The following PRMT9 variants were observed in gnomAD, a reference collection of about 807,000 sequenced individuals.
PRMT9 encodes the protein protein arginine methyltransferase 9.
A neutral mutation model predicts 83.2 loss-of-function variants in PRMT9; 59 were observed. That is an observed-to-expected ratio of 0.71 (90% confidence interval 0.57 to 0.88). PRMT9 has a LOEUF of 0.88. PRMT9 is among the 40% of genes least tolerant of loss of function. The probability of loss-of-function intolerance (pLI) is 0.00; values close to 1 mark genes in which losing one functional copy is unlikely to be tolerated. For missense variants in PRMT9, 947 were observed against 1,021.9 expected, an observed-to-expected ratio of 0.93 and a Z score of 1.00; for synonymous variants, 333 against 353.2, an observed-to-expected ratio of 0.94 and a Z score of 0.64.
chr4:147,668,947 G>A (rs552548805), intron 5 of PRMT9, among the ~76,000 whole-genome samples: 18 of 152,214 alleles, frequency 1.2e-4, no homozygotes, highest in African/African-American at 1.7e-4. Flanking sequence ...TTAGCTGGGC[G>A]TGGTGGCACG....
chr4:147,667,216 TAAGAA>T (rs1735403369), intron 6 of PRMT9, among the ~76,000 whole-genome samples: 2 of 152,168 alleles, frequency 1.3e-5, no homozygotes, highest in South Asian at 4.1e-4. Context: ...GAATTTATCC[TAAGAA>T]AATAATAGAA....
At position 147,673,876 on chromosome 4, in the gene PRMT9, T is replaced by C; in HGVS notation, c.339-2A>G. 8 of 1,611,074 alleles carry C rather than the reference T, an allele frequency of 5.0e-6. No homozygotes were observed. Among genetic ancestry groups the C allele is most frequent in the Non-Finnish European group, 6.8e-6 (8 of 1,177,258 alleles). On this transcript the variant is annotated splice_acceptor_variant, in intron 2 of 11. Transcript: ENST00000322396. LOFTEE classifies it high-confidence loss of function. The stretch of plus-strand genomic sequence containing the variant: ...GCTGCTTCATCCCTAAAGCCCATTC[T>C]AGAGTAAAAAATGACAAAAGACAAA...
At chr4:147,648,602 G>C (rs1440262842) in intron 9 of PRMT9, among the ~76,000 whole-genome samples, 2 of 152,316 alleles carry the variant, frequency 1.3e-5, no homozygotes, top group East Asian at 1.9e-4. Context: ...GGAACTCGAA[G>C]AGGTGGTCTC....
intron 2 of PRMT9, among the ~76,000 whole-genome samples, chr4:147,678,843 C>T (rs1254406686): frequency 6.6e-6 from 1 of 152,178 alleles, no homozygotes; most frequent in East Asian, 1.9e-4. Context: ...GAAAAAGGAA[C>T]TTTGGAGGCT....
chr4:147,644,187 A>C (rs1350760041), intron 9 of PRMT9, among the ~76,000 whole-genome samples: 2 of 152,186 alleles, frequency 1.3e-5, no homozygotes, highest in Non-Finnish European at 2.9e-5. Context: ...CATTGTATCT[A>C]TGGTTCAGGG....
At chr4:147,677,762 T>C (rs909486665) in intron 2 of PRMT9, among the ~76,000 whole-genome samples, 4 of 152,152 alleles carry the variant, frequency 2.6e-5, no homozygotes, top group African/African-American at 9.6e-5. Flanking sequence ...CGACCTAGAA[T>C]TTTTTCAAAT....
rs1735665872 is a variant in PRMT9, at chr4:147,670,657, A to T, written c.830T>A (p.Leu277Ter). The change falls in exon 5 of 12, where the codon TTA becomes TAA. Residue 277 changes from leucine (L) to a stop codon, truncating the protein, a stop_gained. Transcript: ENST00000322396. LOFTEE classifies it high-confidence loss of function. ...VESLIHAWEHLLLQPKTKGES... is the reference protein window; with the variant it reads ...VESLIHAWEH ...ACTGCTTACCTTTGGCTGTAAAAGT[A>T]AATGCTCCCATGCATGAATCAAACT... 1 of 1,609,790 alleles carries T rather than the reference A, an allele frequency of 6.2e-7. No homozygotes were observed. The highest frequency in any genetic ancestry group is 1.3e-5 in the African/African-American group (1 of 74,846).
Position 147,668,451 on chromosome 4 carries a change from T to G in PRMT9, c.953+88A>C, listed in dbSNP as rs1735493184. The G allele has an allele frequency of 9.8e-6, 8 of 820,374 alleles. No homozygotes were observed. The Admixed American group carries it at 1.5e-4, about 16-fold the overall frequency. 50.8% of individuals were successfully genotyped at this position (820,374 alleles called of 1,614,324 possible). ...CTGAGGCCTCCTCAGCATTCAGAAC[T>G]GTGAGTCATTTAAACCTCTTTCCTT... On this transcript the variant is annotated intron_variant, in intron 6 of 11. Transcript: ENST00000322396.
Position 147,673,890 on chromosome 4 carries a change from A to C in PRMT9, c.339-16T>G, listed in dbSNP as rs1248973920. On this transcript the variant is annotated splice_polypyrimidine_tract_variant and intron_variant, in intron 2 of 11. Transcript: ENST00000322396. Reference sequence around the variant, plus strand: ...AAAGCCCATTCTAGAGTAAAAAATGACAAAAGACAAAATATATTCAACTAT... The same window carrying C: ...AAAGCCCATTCTAGAGTAAAAAATGCCAAAAGACAAAATATATTCAACTAT... 1 of 1,581,576 alleles carries C rather than the reference A, an allele frequency of 6.3e-7. No homozygotes were observed. Among genetic ancestry groups the C allele is most frequent in the African/African-American group, 1.3e-5 (1 of 74,326 alleles).
At chr4:147,680,234 C>T in intron 2 of PRMT9, 89 bp downstream of exon 2, 1 of 1,206,028 alleles carries the variant, frequency 8.3e-7, no homozygotes, top group South Asian at 1.2e-5. Context: ...CCATATTAAA[C>T]TTTCCCTGTT....
Position 147,670,570 on chromosome 4 carries a change from C to T in PRMT9, c.846+71G>A, listed in dbSNP as rs1735661657. The stretch of plus-strand genomic sequence containing the variant: ...TATTTCATATTGTTTTGTAAATATA[C>T]TAAGGATTCAATAAATCTCTGATGA... On this transcript the variant is annotated intron_variant, in intron 5 of 11. Transcript: ENST00000322396. 5 of 980,206 alleles carry T rather than the reference C, an allele frequency of 5.1e-6. 1 individual carries two copies. The Middle Eastern group carries it at 1.0e-3, about 202-fold the overall frequency. The allele number at this position is 980,206 out of a possible 1,614,324, so 60.7% of individuals were successfully genotyped here.
At chr4:147,670,875 A>G in intron 4 of PRMT9, 132 bp from the exon 5 acceptor site, 2 of 645,416 alleles carry the variant, frequency 3.1e-6, no homozygotes, top group South Asian at 3.6e-5. Flanking sequence ...AATACATTTC[A>G]TTTTTAAGAT....
intron 9 of PRMT9, among the ~76,000 whole-genome samples, chr4:147,650,585 C>T (rs185835994): frequency 1.3e-5 from 2 of 152,284 alleles, no homozygotes; most frequent in East Asian, 3.9e-4. Context: ...GGAACACCTG[C>T]AATCCATATC....
At chr4:147,676,901 G>C (rs558119919) in intron 2 of PRMT9, among the ~76,000 whole-genome samples, 2 of 151,874 alleles carry the variant, frequency 1.3e-5, no homozygotes, top group African/African-American at 4.8e-5. Context: ...AAAATTAGCC[G>C]GGCGTGGTGG....
At chr4:147,647,982 T>C (rs1327246357) in intron 9 of PRMT9, among the ~76,000 whole-genome samples, 1 of 33,978 alleles carries the variant, frequency 2.9e-5, no homozygotes, top group East Asian at 5.0e-4. Flanking sequence ...ACTTTACTTA[T>C]ATTTACGGAT....
At chr4:147,678,447 G>C (rs574382098) in intron 2 of PRMT9, among the ~76,000 whole-genome samples, 4 of 152,180 alleles carry the variant, frequency 2.6e-5, no homozygotes, top group South Asian at 2.1e-4. Context: ...TTTATTTCCT[G>C]TACTTTCACA....
At chr4:147,682,570 A>G (rs1363865746) in intron 1 of PRMT9, among the ~76,000 whole-genome samples, 1 of 152,200 alleles carries the variant, frequency 6.6e-6, no homozygotes, top group Non-Finnish European at 1.5e-5. Context: ...TCCGCCTCCC[A>G]AAGTGCTGGG....
chr4:147,677,984 T>TG (rs1736200056), intron 2 of PRMT9, among the ~76,000 whole-genome samples: 1 of 151,548 alleles, frequency 6.6e-6, no homozygotes, highest in Non-Finnish European at 1.5e-5. Context: ...TTCTCCACAC[T>TG]GAAAAAAAAA....
intron 6 of PRMT9, among the ~76,000 whole-genome samples, chr4:147,664,000 A>G (rs1407880193): frequency 6.6e-6 from 1 of 152,170 alleles, no homozygotes; most frequent in African/African-American, 2.4e-5. Flanking sequence ...CATATTCTGT[A>G]TTTGTCAACT....
Sources: allele counts gnomAD v4.1 joint callset (sites outside exome capture counted in the v4.1 genomes callset), GRCh38; gene constraint gnomAD v4.1.1; transcripts MANE v1.5; gene names NCBI Gene and HGNC (gene_info 2026-07-23, HGNC 2026-07-21).